Variants in VSIG10 observed in about 807,000 individuals in gnomAD.
The protein encoded by VSIG10 is V-set and immunoglobulin domain-containing protein 10.
A neutral mutation model predicts 58.7 loss-of-function variants in VSIG10; 48 were observed. That is an observed-to-expected ratio of 0.82 (90% CI 0.65 to 1.04). VSIG10 has a LOEUF of 1.04. Among genes scored for constraint, VSIG10 ranks in the 50% least tolerant of loss-of-function variants. The probability of loss-of-function intolerance (pLI) is 0.00; values close to 1 mark genes in which losing one functional copy is unlikely to be tolerated. For synonymous variants in VSIG10, 260 were observed against 267.1 expected (o/e 0.97, Z 0.26); for missense variants, 628 against 670.0 (o/e 0.94, Z 0.69).
chr12:118,064,864 C>T lies in VSIG10; in HGVS notation c.*1775G>A, dbSNP rs925950434. 1 of 152,188 alleles carries T rather than the reference C, an allele frequency of 6.6e-6. No homozygotes were observed. The highest frequency in any genetic ancestry group is 1.5e-5 in the Non-Finnish European group (1 of 68,064). 9.4% of individuals were successfully genotyped at this position (152,188 alleles called of 1,614,324 possible). On this transcript the variant is annotated 3_prime_UTR_variant, in exon 9 of 9. Transcript: ENST00000359236. ...GGGTTACTTCAGACAACCAGCTTCT[C>T]ATTTTAGAGTCCCAGTTCCTAGAAT...
At chr12:118,081,251 G>C (rs371135501) in intron 3 of VSIG10, among the ~76,000 whole-genome samples, 1 of 152,020 alleles carries the variant, frequency 6.6e-6, no homozygotes, top group Non-Finnish European at 1.5e-5. Flanking sequence ...GTCTCAAAAA[G>C]AAAAACAAAA....
chr12:118,096,432 G>A (rs557324015), intron 1 of VSIG10, among the ~76,000 whole-genome samples: 2 of 151,820 alleles, frequency 1.3e-5, no homozygotes, highest in Non-Finnish European at 1.5e-5. Flanking sequence ...TACAAAATCA[G>A]CTGGGCGTGG....
intron 7 of VSIG10, among the ~76,000 whole-genome samples, chr12:118,069,114 G>C (rs1266103435): frequency 6.9e-6 from 1 of 145,296 alleles, no homozygotes; most frequent in Non-Finnish European, 1.5e-5. Flanking sequence ...TTTCGGGATA[G>C]AGTCTTGCGC....
rs1343525734 is a variant in VSIG10, at chr12:118,095,749, C to T, written c.145G>A (p.Gly49Arg). 1 of 1,613,550 alleles carries T rather than the reference C, an allele frequency of 6.2e-7. No individual in the cohort carries two copies. Among genetic ancestry groups the T allele is most frequent in the Admixed American group, 1.7e-5 (1 of 59,900 alleles). The change falls in exon 2 of 9, where the codon GGA (glycine) becomes AGA (arginine). Residue 49 changes from glycine (G) to arginine (R), a missense_variant. Transcript: ENST00000359236. Reference sequence around the variant, plus strand: ...TACCAGGTCACCTGGCCCCTCAGTCCCGAGATGTTGCCACAGTGCAGAGTA... The same window carrying T: ...TACCAGGTCACCTGGCCCCTCAGTCTCGAGATGTTGCCACAGTGCAGAGTA... ...NVTLHCGNIS[G>R]LRGQVTWYRN...
At chr12:118,078,497 C>G (rs1205642251) in intron 4 of VSIG10, among the ~76,000 whole-genome samples, 1 of 152,114 alleles carries the variant, frequency 6.6e-6, no homozygotes, top group Non-Finnish European at 1.5e-5. Context: ...CCTCCCTTCT[C>G]TCTCTTGCTT....
intron 2 of VSIG10, among the ~76,000 whole-genome samples, chr12:118,082,741 C>A (rs1230981810): frequency 6.6e-6 from 1 of 151,646 alleles, no homozygotes; most frequent in Admixed American, 6.6e-5. Flanking sequence ...CTTTGGGAGG[C>A]TGAGGAAGGA....
intron 7 of VSIG10, among the ~76,000 whole-genome samples, chr12:118,069,265 T>C (rs1448247406): frequency 6.6e-6 from 1 of 150,960 alleles, no homozygotes; most frequent in Non-Finnish European, 1.5e-5. Flanking sequence ...AATTTTTGTA[T>C]TTTTAGTAGA....
intron 7 of VSIG10, among the ~76,000 whole-genome samples, chr12:118,069,989 A>G (rs1308442462): frequency 6.6e-6 from 1 of 152,156 alleles, no homozygotes; most frequent in Non-Finnish European, 1.5e-5. Context: ...AGCCCAGGGA[A>G]TGACAGACTT....
chr12:118,066,546 G>T lies in VSIG10; in HGVS notation c.*93C>A. The T allele has an allele frequency of 7.0e-7, 1 of 1,419,672 alleles. No homozygotes were observed. Among genetic ancestry groups the T allele is most frequent in the Admixed American group, 1.7e-5 (1 of 59,138 alleles). 87.9% of individuals were successfully genotyped at this position (1,419,672 alleles called of 1,614,324 possible). ...CATTGTTAGTGCAAGCCCCCGCCAG[G>T]GGTGCAGGTGGAGTCAAAGCTGAAT... is the stretch of plus-strand genomic sequence containing the variant. On this transcript the variant is annotated 3_prime_UTR_variant, in exon 9 of 9. Transcript: ENST00000359236.
rs1038509552 is a variant in VSIG10 at position 118,095,874 on chromosome 12, T to C, written c.80-60A>G. 3.3e-6 allele frequency: 5 copies of C among 1,530,676 alleles called. No homozygotes were observed. In the African/African-American group the frequency reaches 5.5e-5, roughly 17 times the overall value. The allele number at this position is 1,530,676 out of a possible 1,614,324, so 94.8% of individuals were successfully genotyped here. ...CTTAATTTCTAAACAATGTCCCTTT[T>C]TGGACAGTACTCCTGTATTAGGATT... On this transcript the variant is annotated intron_variant, in intron 1 of 8. Coordinates refer to ENST00000359236, the MANE Select transcript of VSIG10 (RefSeq NM_019086.6).
chr12:118,076,135 C>G (rs1025004180), intron 4 of VSIG10, among the ~76,000 whole-genome samples: 2 of 152,170 alleles, frequency 1.3e-5, no homozygotes, highest in African/African-American at 2.4e-5. Context: ...TAGATTGTGA[C>G]AAACTTAGTG....
At chr12:118,070,547 CAAA>C (rs10607174) in intron 7 of VSIG10, among the ~76,000 whole-genome samples, 61 of 111,646 alleles carry the variant, frequency 5.5e-4, no homozygotes, top group South Asian at 1.1e-3. Context: ...GATTCTGTCT[CAAA>C]AAAAAAAAAA....
Position 118,079,522 on chromosome 12 carries a change from C to A in VSIG10, c.749G>T (p.Gly250Val), listed in dbSNP as rs766487109. 10 of 1,614,012 alleles carry A rather than the reference C, an allele frequency of 6.2e-6. No homozygotes were observed. The highest frequency in any genetic ancestry group is 8.5e-6 in the Non-Finnish European group (10 of 1,179,904). ...CCACAGGAAGTCAGGGTCAGGGTAT[C>A]CCCCATCCCAGCGACAGGTAAGCTG... is the stretch of plus-strand genomic sequence containing the variant. The part of the protein sequence containing the change: ...MLQLTCRWDG[G>V]YPDPDFLWIE... Residue 250 changes from glycine (G) to valine (V), a missense_variant, in exon 4 of 9, where the codon GGA (glycine) becomes GTA (valine). Coordinates refer to ENST00000359236, the MANE Select transcript of VSIG10 (RefSeq NM_019086.6).
chr12:118,066,541 G>A lies in VSIG10; in HGVS notation c.*98C>T, dbSNP rs928689503. The A allele has an allele frequency of 1.6e-5, 22 of 1,386,118 alleles. No homozygotes were observed. Among genetic ancestry groups the A allele is most frequent in the South Asian group, 2.3e-5 (2 of 86,048 alleles). The allele number at this position is 1,386,118 out of a possible 1,614,324, so 85.9% of individuals were successfully genotyped here. A position where few individuals can be genotyped will look rare whatever the true frequency, so the allele number is the denominator to read the frequency against. ...CCAAACATTGTTAGTGCAAGCCCCC[G>A]CCAGGGGTGCAGGTGGAGTCAAAGC... On this transcript the variant is annotated 3_prime_UTR_variant, in exon 9 of 9. Coordinates refer to ENST00000359236, the MANE Select transcript of VSIG10 (RefSeq NM_019086.6).
At chr12:118,079,284 T>C in intron 4 of VSIG10, 62 bp downstream of exon 4, 15 of 1,578,704 alleles carry the variant, frequency 9.5e-6, no homozygotes, top group Non-Finnish European at 1.3e-5. Context: ...TCTCAAATGC[T>C]TCTCCTAGGA....
chr12:118,095,919 T>C (rs2033438431), intron 1 of VSIG10, 105 bp from the exon 2 acceptor site: 1 of 1,289,546 alleles, frequency 7.8e-7, no homozygotes, highest in Non-Finnish European at 1.0e-6. Context: ...ATCAGGTATA[T>C]GTTCTTTTTT....
intron 4 of VSIG10, among the ~76,000 whole-genome samples, chr12:118,078,304 A>G (rs990690075): frequency 3.2e-4 from 49 of 152,068 alleles, no homozygotes; most frequent in African/African-American, 1.1e-3. Context: ...GACTACAGGC[A>G]TGCGCCACCA....
intron 3 of VSIG10, 88 bp downstream of exon 3, chr12:118,082,039 G>C: frequency 4.0e-6 from 3 of 752,496 alleles, no homozygotes; most frequent in Non-Finnish European, 5.6e-6. Flanking sequence ...AAAAAAAAAA[G>C]ACAAATGGGA....
chr12:118,068,422 T>C lies in VSIG10; in HGVS notation c.1522A>G (p.Asn508Asp), dbSNP rs1293403551. ...TTTCCCATCTGTTCTATGTTCCCAT[T>C]CACCAAGGCGGTCACTCTGTGAATG... ...DHIHRVTALV[N>D]GNIEQMGNGF... Residue 508 changes from asparagine (N) to aspartate (D), a missense_variant, in exon 8 of 9, where the codon AAT (asparagine) becomes GAT (aspartate). Transcript: ENST00000359236. 6.2e-7 allele frequency: 1 copy of C among 1,613,800 alleles called. No individual in the cohort carries two copies. The highest frequency in any genetic ancestry group is 8.5e-7 in the Non-Finnish European group (1 of 1,179,902).
Sources: allele counts gnomAD v4.1 joint callset (sites outside exome capture counted in the v4.1 genomes callset), GRCh38; gene constraint gnomAD v4.1.1; transcripts MANE v1.5; gene names NCBI Gene and HGNC (gene_info 2026-07-23, HGNC 2026-07-21).